The following LRRD1 variants were observed in gnomAD, a reference collection of about 807,000 sequenced individuals.
The protein encoded by LRRD1 is leucine rich repeats and death domain containing 1.
A neutral mutation model predicts 69.5 loss-of-function variants in LRRD1; 49 were observed. The observed-to-expected ratio is 0.70, with a 90% CI of 0.56 to 0.89. The LOEUF (loss-of-function observed/expected upper bound fraction) is 0.89. Ranked by LOEUF, LRRD1 falls within the 40% of genes least tolerant of loss-of-function variation. The probability of loss-of-function intolerance (pLI) is 0.00; values close to 1 mark genes in which losing one functional copy is unlikely to be tolerated. For missense variants in LRRD1, 853 were observed against 956.0 expected, an observed-to-expected ratio of 0.89 and a Z score of 1.42; for synonymous variants, 303 against 338.9, an observed-to-expected ratio of 0.89 and a Z score of 1.16.
intron 1 of LRRD1, among the ~76,000 whole-genome samples, chr7:92,168,673 AAAAG>A (rs1563194163): frequency 2.0e-5 from 3 of 152,174 alleles, no homozygotes; most frequent in Admixed American, 6.5e-5. Context: ...AAAAAAAAAA[AAAAG>A]AAAGAATCAA....
chr7:92,158,877 T>G, intron 3 of LRRD1, 128 bp downstream of exon 3: 1 of 691,622 alleles, frequency 1.4e-6, no homozygotes, highest in Non-Finnish European at 2.3e-6. Flanking sequence ...GACAGTCATT[T>G]CCTTCTAATG....
At position 92,164,275 on chromosome 7, in the gene LRRD1, G is replaced by T. The variant is rs1788854093; in HGVS notation, c.928C>A (p.Leu310Ile). 6.4e-7 allele frequency: 1 copy of T among 1,550,876 alleles called. No individual in the cohort carries two copies. Among genetic ancestry groups the T allele is most frequent in the Non-Finnish European group, 8.7e-7 (1 of 1,146,668 alleles). The change falls in exon 2 of 6, where the codon CTT (leucine) becomes ATT (isoleucine). Residue 310 changes from leucine (L) to isoleucine (I), a missense_variant. Coordinates refer to ENST00000458448, the MANE Select transcript of LRRD1 (RefSeq NM_001161528.2). Reference protein sequence around the residue: ...CFLPKLISLDLTGNLISSLPK... With the variant: ...CFLPKLISLDITGNLISSLPK... ...AAACTGCTTATTAGGTTTCCAGTAA[G>T]GTCTAGTGAAATTAACTTTGGAAGG...
chr7:92,143,324 C>G (rs942756914), downstream of LRRD1, among the ~76,000 whole-genome samples: 1 of 152,192 alleles, frequency 6.6e-6, no homozygotes, highest in Non-Finnish European at 1.5e-5. Flanking sequence ...CCGCACCCAC[C>G]GGGGCCGCAG....
At chr7:92,174,503 A>ATTTTT (rs1190934761) in intron 1 of LRRD1, among the ~76,000 whole-genome samples, 2 of 20,108 alleles carry the variant, frequency 9.9e-5, no homozygotes, top group African/African-American at 4.3e-4. Context: ...ATATATATAT[A>ATTTTT]TATATATTTT....
intron 1 of LRRD1, among the ~76,000 whole-genome samples, chr7:92,168,660 G>GA (rs61001338): frequency 3.7e-3 from 363 of 96,904 alleles, no homozygotes; most frequent in Middle Eastern, 6.3e-3. Context: ...ACTGAGTGGA[G>GA]AAAAAAAAAA....
At chr7:92,170,682 C>T (rs1019851750) in intron 1 of LRRD1, among the ~76,000 whole-genome samples, 1 of 152,200 alleles carries the variant, frequency 6.6e-6, no homozygotes, top group Non-Finnish European at 1.5e-5. Context: ...TTAAATTACA[C>T]ACTAGTCCAA....
chr7:92,179,066 T>C lies in LRRD1; in HGVS notation c.-134A>G, dbSNP rs1482532050. 2.0e-5 allele frequency: 3 copies of C among 152,298 alleles called. No individual in the cohort carries two copies. Among genetic ancestry groups the C allele is most frequent in the Non-Finnish European group, 2.9e-5 (2 of 68,106 alleles). The allele number at this position is 152,298 out of a possible 1,614,324, so 9.4% of individuals were successfully genotyped here. ...AGGACCGGTAGGGGGCGCGCGCGGT[T>C]GAGTCCAGCAATTGCGAGGACCTCC... is the stretch of plus-strand genomic sequence containing the variant. On this transcript the variant is annotated 5_prime_UTR_variant, in exon 1 of 6. Coordinates refer to ENST00000458448, the MANE Select transcript of LRRD1 (RefSeq NM_001161528.2).
At chr7:92,142,287 A>C, downstream of LRRD1, 1 of 357,444 alleles carries the variant, frequency 2.8e-6, no homozygotes, top group South Asian at 2.1e-5. Context: ...TTCCATTCAA[A>C]GTTATGGAAA....
chr7:92,156,673 A>G (rs1393994712), intron 3 of LRRD1, among the ~76,000 whole-genome samples: 1 of 152,228 alleles, frequency 6.6e-6, no homozygotes, highest in Admixed American at 6.5e-5. Context: ...CTTGTTCTGT[A>G]GATCCTTTGG....
chr7:92,159,758 A>T (rs1303249135), intron 2 of LRRD1, among the ~76,000 whole-genome samples: 1 of 151,334 alleles, frequency 6.6e-6, no homozygotes, highest in African/African-American at 2.4e-5. Context: ...AGTACCTGGG[A>T]TCACAGGTGC....
In LRRD1 at chr7:92,173,335, A is replaced by G. The variant is rs148464251; in HGVS notation, c.-75+5672T>C. On this transcript the variant is annotated intron_variant, in intron 1 of 5. Coordinates refer to ENST00000458448, the MANE Select transcript of LRRD1 (RefSeq NM_001161528.2). ...AAAAGTACAGGCAACAAAAGCAAAA[A>G]TAGACAAATGGGATTACATCAAGCT... 5.3e-5 allele frequency among the ~76,000 whole-genome samples: 8 copies of G among 152,352 alleles called. No individual in the cohort carries two copies. The East Asian group carries it at 1.3e-3, about 26-fold the overall frequency.
chr7:92,146,788 C>T (rs1045626923), intron 4 of LRRD1, among the ~76,000 whole-genome samples: 3 of 137,928 alleles, frequency 2.2e-5, no homozygotes, highest in Non-Finnish European at 3.2e-5. Flanking sequence ...CGGGCGTGGT[C>T]GCACATGCCT....
At position 92,163,993 on chromosome 7, in the gene LRRD1, C is replaced by T; in HGVS notation, c.1210G>A (p.Asp404Asn). ...TTAGGGAGTTCTGTTAATTTATTAT[C>T]ACTAAGACTAAGGCATTCCAACATT... is the stretch of plus-strand genomic sequence containing the variant. The part of the protein sequence containing the change: ...CAMLECLSLS[D>N]NKLTELPKYI... The change falls in exon 2 of 6, where the codon GAT becomes AAT. Residue 404 changes from aspartate (D) to asparagine (N), a missense_variant. Coordinates refer to ENST00000458448, the MANE Select transcript of LRRD1 (RefSeq NM_001161528.2). 1.3e-6 allele frequency: 2 copies of T among 1,531,810 alleles called. No homozygotes were observed. The highest frequency in any genetic ancestry group is 1.8e-6 in the Non-Finnish European group (2 of 1,140,222). 94.9% of individuals were successfully genotyped at this position (1,531,810 alleles called of 1,614,324 possible).
Position 92,164,493 on chromosome 7 carries a change from C to A in LRRD1, c.710G>T (p.Arg237Ile). The A allele has an allele frequency of 1.3e-6, 2 of 1,550,094 alleles. No individual in the cohort carries two copies. Among genetic ancestry groups the A allele is most frequent in the Non-Finnish European group, 8.7e-7 (1 of 1,146,132 alleles). Residue 237 changes from arginine (R) to isoleucine (I), a missense_variant, in exon 2 of 6, where the codon AGA becomes ATA. This residue lies in a region of LRRD1 where 739 missense variants were observed against 808.0 expected (regional missense o/e 0.91). Transcript: ENST00000458448. ...GTAATTGTTATAAAAAAAGAGTTGT[C>A]TGATATTCCCAAGCTGAGATATTTC... is the stretch of plus-strand genomic sequence containing the variant. Reference protein sequence around the residue: ...PKEISQLGNIRQLFFYNNYIE... With the variant: ...PKEISQLGNIIQLFFYNNYIE...
At position 92,144,983 on chromosome 7, in the gene LRRD1, C is replaced by G. The variant is rs1820281435; in HGVS notation, c.2488G>C (p.Asp830His). The G allele has an allele frequency of 6.5e-7, 1 of 1,544,588 alleles. No homozygotes were observed. The highest frequency in any genetic ancestry group is 8.8e-7 in the Non-Finnish European group (1 of 1,142,580). ...ATAGTTAGTGCTCGAATTAGTTGAT[C>G]TCTTAAAGCAGCAGCAGTTAGTGAT... ...KLSLTAAALR[D>H]QLIRALTMIG... Residue 830 changes from aspartate to histidine, a missense_variant, in exon 6 of 6, where the codon GAT becomes CAT. Transcript: ENST00000458448.
At chr7:92,166,859 T>C (rs1788922448) in intron 1 of LRRD1, among the ~76,000 whole-genome samples, 1 of 152,130 alleles carries the variant, frequency 6.6e-6, no homozygotes, top group Admixed American at 6.6e-5. Flanking sequence ...GATTGGAAGC[T>C]AGAAAAGGTT....
chr7:92,143,312 T>C (rs1387712609), downstream of LRRD1, among the ~76,000 whole-genome samples: 4 of 152,110 alleles, frequency 2.6e-5, no homozygotes, highest in African/African-American at 9.7e-5. Flanking sequence ...ACCCGGTGGA[T>C]CCCGCACCCA....
chr7:92,141,791 C>CA (rs1461494498), downstream of LRRD1: 2 of 152,152 alleles, frequency 1.3e-5, no homozygotes, highest in Non-Finnish European at 2.9e-5. Flanking sequence ...ATTAGAGACA[C>CA]AGGCTGTATA....
chr7:92,143,141 G>C (rs569673818), downstream of LRRD1, among the ~76,000 whole-genome samples: 1 of 152,056 alleles, frequency 6.6e-6, no homozygotes, highest in Non-Finnish European at 1.5e-5. Flanking sequence ...ACAGAGTGTC[G>C]ATTGGTGTAT....
Sources: gnomAD v4.1 joint callset for allele counts (sites outside exome capture counted in the v4.1 genomes callset) on GRCh38, gnomAD v4.1.1 for gene constraint, gnomAD v4.1.1 regional missense constraint, MANE v1.5 for transcripts, NCBI Gene and HGNC (gene_info 2026-07-23, HGNC 2026-07-21) for gene names.